Variants in FSIP1 observed in about 807,000 individuals in gnomAD.
The protein encoded by FSIP1 is fibrous sheath interacting protein 1, also known as fibrous sheath-interacting protein 1.
FSIP1 carries 65 observed loss-of-function variants against 60.9 expected under a neutral mutation model. The observed-to-expected ratio is 1.07, with a 90% confidence interval of 0.87 to 1.31. FSIP1 has a LOEUF of 1.31. FSIP1 is among the 40% of genes most tolerant of loss of function. The pLI is 0.00. For missense variants in FSIP1, 675 were observed against 665.5 expected, an observed-to-expected ratio of 1.01 and a Z score of -0.16; for synonymous variants, 209 against 221.2, an observed-to-expected ratio of 0.94 and a Z score of 0.49.
chr15:39,769,300 G>GAAAA (rs1897802819), intron 3 of FSIP1, among the ~76,000 whole-genome samples: 1 of 148,446 alleles, frequency 6.7e-6, no homozygotes, highest in Non-Finnish European at 1.5e-5. Flanking sequence ...AAAAAGAAAA[G>GAAAA]TCTAAGTACT....
intron 8 of FSIP1, among the ~76,000 whole-genome samples, chr15:39,735,349 G>C (rs568326407): frequency 2.0e-5 from 3 of 152,336 alleles, no homozygotes; most frequent in African/African-American, 7.2e-5. Flanking sequence ...TGTACAGTAT[G>C]TTTTGTAGTT....
chr15:39,692,057 CG>C lies in FSIP1; in HGVS notation c.1188+21386del, dbSNP rs889642139. ...GCAAAAGGATTATTTTCTACAAAGT[CG>C]AAAAAAAAAATTTTTAATGCTGATA... On this transcript the variant is annotated intron_variant, in intron 10 of 11. Transcript: ENST00000350221. Among the ~76,000 whole-genome samples, 16 of 104,300 alleles carry C rather than the reference CG, an allele frequency of 1.5e-4. No individual in the cohort carries two copies. In the East Asian group the frequency reaches 2.1e-3, roughly 14 times the overall value. The allele number at this position is 104,300 out of a possible 152,430, so 68.4% of individuals were successfully genotyped here.
intron 9 of FSIP1, among the ~76,000 whole-genome samples, chr15:39,724,504 A>G (rs143060815): frequency 0.12 from 18,058 of 152,080 alleles, 1,296 homozygotes; most frequent in African/African-American, 0.2. Flanking sequence ...TACACGCCTC[A>G]GCCTCCCAAA....
chr15:39,693,115 A>T (rs1275307273), intron 10 of FSIP1, among the ~76,000 whole-genome samples: 2 of 152,264 alleles, frequency 1.3e-5, no homozygotes, highest in African/African-American at 2.4e-5. Context: ...AATTTCTTTT[A>T]TCTCCTTTTG....
intron 10 of FSIP1, among the ~76,000 whole-genome samples, chr15:39,650,403 G>T (rs563273133): frequency 1.6e-4 from 25 of 152,238 alleles, no homozygotes; most frequent in African/African-American, 6.0e-4. Flanking sequence ...TTACTTCTCT[G>T]TCTTCTTTCT....
intron 10 of FSIP1, among the ~76,000 whole-genome samples, chr15:39,689,470 C>A (rs545688026): frequency 1.9e-4 from 29 of 152,244 alleles, no homozygotes; most frequent in Admixed American, 1.6e-3. Flanking sequence ...CAGCCTTCAT[C>A]CTGAAATTAT....
intron 10 of FSIP1, among the ~76,000 whole-genome samples, chr15:39,633,578 A>T (rs1892001454): frequency 6.6e-6 from 1 of 152,188 alleles, no homozygotes; most frequent in South Asian, 2.1e-4. Flanking sequence ...TTACTGTATT[A>T]TAACTAACTT....
At chr15:39,777,820 T>A (rs1898113995) in intron 1 of FSIP1, among the ~76,000 whole-genome samples, 1 of 152,220 alleles carries the variant, frequency 6.6e-6, no homozygotes, top group Non-Finnish European at 1.5e-5. Context: ...AAAAGGCAAT[T>A]GCCTCTACCC....
chr15:39,718,866 G>A (rs1160104518), intron 9 of FSIP1, among the ~76,000 whole-genome samples: 2 of 152,122 alleles, frequency 1.3e-5, no homozygotes, highest in Non-Finnish European at 2.9e-5. Context: ...TACCTAAGAG[G>A]TATACACCCG....
intron 10 of FSIP1, among the ~76,000 whole-genome samples, chr15:39,676,169 T>A (rs1893931509): frequency 9.7e-5 from 4 of 41,336 alleles, no homozygotes; most frequent in Admixed American, 2.1e-4. Context: ...TGAGACTCCA[T>A]CTCAAAAAAA....
chr15:39,646,075 G>A (rs959815263), intron 10 of FSIP1, among the ~76,000 whole-genome samples: 1 of 152,204 alleles, frequency 6.6e-6, no homozygotes, highest in Non-Finnish European at 1.5e-5. Context: ...CCAGAGCAGG[G>A]CAGAGGATGG....
chr15:39,663,132 T>C (rs1893364164), intron 10 of FSIP1, among the ~76,000 whole-genome samples: 1 of 152,242 alleles, frequency 6.6e-6, no homozygotes, highest in African/African-American at 2.4e-5. Flanking sequence ...TTGTTTATTA[T>C]TGTTATCTAT....
intron 10 of FSIP1, among the ~76,000 whole-genome samples, chr15:39,622,623 C>T (rs891836464): frequency 4.6e-5 from 7 of 152,144 alleles, no homozygotes; most frequent in Admixed American, 1.3e-4. Context: ...TGCAATAAAC[C>T]TATTAGGTAG....
At chr15:39,658,258 T>C (rs1354055936) in intron 10 of FSIP1, among the ~76,000 whole-genome samples, 2 of 149,620 alleles carry the variant, frequency 1.3e-5, no homozygotes, top group Non-Finnish European at 3.0e-5. Context: ...ATGATTTTTT[T>C]TTTTTTTTTT....
rs147881526 is a variant in FSIP1 at position 39,711,839 on chromosome 15, C to T, written c.1188+1605G>A. On this transcript the variant is annotated intron_variant, in intron 10 of 11. Coordinates refer to ENST00000350221, the MANE Select transcript of FSIP1 (RefSeq NM_152597.5). ...AGCTGGGACTACGGGCGCACACTGC[C>T]AAGCCCGGCTAATTTTTTTTGTATT... Among the ~76,000 whole-genome samples the T allele has an allele frequency of 1.1e-4, 16 of 152,106 alleles. No individual in the cohort carries two copies. In the East Asian group the frequency reaches 3.1e-3, roughly 30 times the overall value.
At chr15:39,769,070 G>C (rs1897789450) in intron 3 of FSIP1, among the ~76,000 whole-genome samples, 1 of 152,088 alleles carries the variant, frequency 6.6e-6, no homozygotes, top group South Asian at 2.1e-4. Context: ...ACGAGGTCAG[G>C]AGATCGAGAC....
At chr15:39,634,776 G>A (rs1048297293) in intron 10 of FSIP1, among the ~76,000 whole-genome samples, 3 of 152,134 alleles carry the variant, frequency 2.0e-5, no homozygotes, top group East Asian at 3.8e-4. Context: ...ACTGTCATGC[G>A]GACGCCATGT....
chr15:39,738,038 T>C, intron 8 of FSIP1, 53 bp downstream of exon 8: 1 of 1,026,598 alleles, frequency 9.7e-7, no homozygotes, highest in East Asian at 2.5e-5. Context: ...AATAATATTA[T>C]TTTTTAAAAT....
chr15:39,610,302 A>T (rs1183654299), intron 11 of FSIP1, among the ~76,000 whole-genome samples: 1 of 152,240 alleles, frequency 6.6e-6, no homozygotes, highest in Admixed American at 6.5e-5. Context: ...AAATATGACA[A>T]CATCCAGGTA....
Sources: allele counts gnomAD v4.1 joint callset (sites outside exome capture counted in the v4.1 genomes callset), GRCh38; gene constraint gnomAD v4.1.1; transcripts MANE v1.5; gene names NCBI Gene and HGNC (gene_info 2026-07-23, HGNC 2026-07-21).